The following ANKRD6 variants were observed in gnomAD, a reference collection of about 807,000 sequenced individuals.
The protein encoded by ANKRD6 is ankyrin repeat domain 6.
A neutral mutation model predicts 82.3 loss-of-function variants in ANKRD6; 56 were observed. The ratio of observed to expected loss-of-function variants is 0.68; its 90% CI spans 0.55 to 0.85. The LOEUF (loss-of-function observed/expected upper bound fraction) is 0.85, where lower values mean the gene tolerates loss of function less well. Ranked by LOEUF, ANKRD6 falls within the 40% of genes least tolerant of loss-of-function variation. The pLI is 0.00. For missense variants in ANKRD6, 852 were observed against 907.6 expected (o/e 0.94, Z 0.79); for synonymous variants, 347 against 352.1 (o/e 0.99, Z 0.16).
intron 3 of ANKRD6, chr6:89,598,057 A>T: frequency 2.1e-6 from 2 of 960,884 alleles, no homozygotes; most frequent in Non-Finnish European, 2.5e-6. Flanking sequence ...AATGTTAATG[A>T]TATGAAGAAT....
chr6:89,583,639 T>TG (rs1793078177), intron 2 of ANKRD6, among the ~76,000 whole-genome samples: 1 of 152,142 alleles, frequency 6.6e-6, no homozygotes. Flanking sequence ...ACTTTGGGGA[T>TG]GGGCCCCCAA....
Position 89,507,543 on chromosome 6 carries a change from T to C in ANKRD6, c.-143-59291T>C, listed in dbSNP as rs1316339491. Among the ~76,000 whole-genome samples, 5 of 152,188 alleles carry C rather than the reference T, an allele frequency of 3.3e-5. No individual in the cohort carries two copies. In the East Asian group the frequency reaches 9.6e-4, roughly 29 times the overall value. On this transcript the variant is annotated intron_variant, in intron 1 of 15. Transcript: ENST00000339746. The stretch of plus-strand genomic sequence containing the variant: ...CAGGGAATTAAGCTAGCCTAATTAG[T>C]TTGGGAACTAAATCAGACAGAACAA...
intron 1 of ANKRD6, among the ~76,000 whole-genome samples, chr6:89,474,791 C>A (rs1775860627): frequency 6.6e-6 from 1 of 152,198 alleles, no homozygotes; most frequent in Non-Finnish European, 1.5e-5. Context: ...CACATCCACC[C>A]ACAGTGAAAG....
intron 1 of ANKRD6, among the ~76,000 whole-genome samples, chr6:89,501,182 T>G (rs1779220951): frequency 6.6e-6 from 1 of 152,234 alleles, no homozygotes; most frequent in Non-Finnish European, 1.5e-5. Context: ...GGAACATAAT[T>G]TGTACCTGCA....
At chr6:89,500,849 A>AT (rs1159206044) in intron 1 of ANKRD6, among the ~76,000 whole-genome samples, 2 of 151,928 alleles carry the variant, frequency 1.3e-5, no homozygotes, top group East Asian at 3.9e-4. Context: ...TTCTTGTTGT[A>AT]TTTTGATTTA....
chr6:89,549,600 ATTT>A (rs1489309006), intron 1 of ANKRD6, among the ~76,000 whole-genome samples: 3 of 152,186 alleles, frequency 2.0e-5, no homozygotes, highest in African/African-American at 4.8e-5. Flanking sequence ...GCATTCAGGT[ATTT>A]TTTAAGCCTG....
intron 1 of ANKRD6, among the ~76,000 whole-genome samples, chr6:89,533,355 A>G (rs946753531): frequency 7.2e-5 from 11 of 152,220 alleles, no homozygotes; most frequent in African/African-American, 2.7e-4. Context: ...TTAAAATAAT[A>G]ATGAGTGTAA....
Position 89,629,094 on chromosome 6 carries a change from T to G in ANKRD6, c.1486-18T>G. 6.3e-7 allele frequency: 1 copy of G among 1,598,474 alleles called. No homozygotes were observed. Among genetic ancestry groups the G allele is most frequent in the Non-Finnish European group, 8.5e-7 (1 of 1,174,802 alleles). On this transcript the variant is annotated intron_variant, in intron 14 of 15. Coordinates refer to ENST00000339746, the MANE Select transcript of ANKRD6 (RefSeq NM_001242809.2). ...TTCTTCTATGTACTTATTTGTGGGGTTTGTTTTTTTTTTTAAGATATCCTT... is the reference window on the plus strand; with the variant it reads ...TTCTTCTATGTACTTATTTGTGGGGGTTGTTTTTTTTTTTAAGATATCCTT...
intron 1 of ANKRD6, among the ~76,000 whole-genome samples, chr6:89,500,247 G>A (rs1779116440): frequency 6.6e-6 from 1 of 152,154 alleles, no homozygotes; most frequent in Non-Finnish European, 1.5e-5. Context: ...CCTCCCAGGA[G>A]AGAGCCACAG....
chr6:89,567,093 CA>C lies in ANKRD6; in HGVS notation c.119del (p.Lys40SerfsTer23), dbSNP rs758868131. 1 of 1,589,950 alleles carries C rather than the reference CA, an allele frequency of 6.3e-7. No homozygotes were observed. Among genetic ancestry groups the C allele is most frequent in the East Asian group, 2.3e-5 (1 of 43,906 alleles). ...ACAAGGGCGCCAGGGTAGCGGTTAC[CA>C]AGGTAACAAGAGAAAAATACGCTGT... ...INKGARVAVT[K>X]HGRTPLHLAA... On this transcript the variant is annotated frameshift_variant and splice_region_variant, in exon 2 of 16. Coordinates refer to ENST00000339746, the MANE Select transcript of ANKRD6 (RefSeq NM_001242809.2). LOFTEE classifies it high-confidence loss of function.
At chr6:89,578,260 G>A (rs1477715041) in intron 2 of ANKRD6, among the ~76,000 whole-genome samples, 3 of 148,270 alleles carry the variant, frequency 2.0e-5, no homozygotes, top group African/African-American at 7.5e-5. Context: ...CAAGGAAGAC[G>A]ATTAGCTTTT....
intron 1 of ANKRD6, among the ~76,000 whole-genome samples, chr6:89,516,811 A>G (rs576911112): frequency 5.9e-5 from 9 of 152,082 alleles, no homozygotes; most frequent in Non-Finnish European, 1.2e-4. Flanking sequence ...ATCTATCTGT[A>G]TATCTCCTAT....
At chr6:89,526,051 C>T (rs1392315378) in intron 1 of ANKRD6, among the ~76,000 whole-genome samples, 1 of 152,228 alleles carries the variant, frequency 6.6e-6, no homozygotes, top group African/African-American at 2.4e-5. Flanking sequence ...CGGGGCTGTG[C>T]CCGCCAAGCC....
At chr6:89,469,767 A>G (rs116602509) in intron 1 of ANKRD6, among the ~76,000 whole-genome samples, 8,577 of 152,256 alleles carry the variant, frequency 0.056, 265 homozygotes, top group South Asian at 0.13. Flanking sequence ...GCCTGAGGGT[A>G]GGAACCAACT....
intron 1 of ANKRD6, among the ~76,000 whole-genome samples, chr6:89,521,936 G>A (rs1887584): frequency 0.5 from 75,825 of 151,956 alleles, 19,635 homozygotes; most frequent in South Asian, 0.72. Context: ...ATTGACAATT[G>A]TAATTGTATA....
At chr6:89,526,996 C>G (rs1421015635) in intron 1 of ANKRD6, among the ~76,000 whole-genome samples, 2 of 152,196 alleles carry the variant, frequency 1.3e-5, no homozygotes, top group Admixed American at 1.3e-4. Context: ...TCCAGCAATT[C>G]AAATGCTAGT....
intron 1 of ANKRD6, among the ~76,000 whole-genome samples, chr6:89,469,218 A>G (rs1775182494): frequency 6.6e-6 from 1 of 152,152 alleles, no homozygotes; most frequent in Non-Finnish European, 1.5e-5. Flanking sequence ...TAGCTGTCAA[A>G]TGTTTCATGT....
intron 1 of ANKRD6, among the ~76,000 whole-genome samples, chr6:89,532,592 GC>G (rs1475523336): frequency 1.3e-5 from 2 of 152,136 alleles, no homozygotes; most frequent in East Asian, 3.8e-4. Context: ...CTCCATGAGG[GC>G]AGGGAGCTTA....
chr6:89,537,579 T>C (rs772570194), intron 1 of ANKRD6, among the ~76,000 whole-genome samples: 3 of 151,690 alleles, frequency 2.0e-5, no homozygotes, highest in Non-Finnish European at 2.9e-5. Context: ...TCTGAATTAT[T>C]ATATAATTAT....
Sources: gnomAD v4.1 joint callset for allele counts (sites outside exome capture counted in the v4.1 genomes callset) on GRCh38, gnomAD v4.1.1 for gene constraint, MANE v1.5 for transcripts, NCBI Gene and HGNC (gene_info 2026-07-23, HGNC 2026-07-21) for gene names.